Variants in TRIM38 observed in about 807,000 individuals in gnomAD.
TRIM38 encodes the protein tripartite motif containing 38.
A neutral mutation model predicts 35.8 loss-of-function variants in TRIM38; 35 were observed. The observed-to-expected ratio is 0.98, with a 90% CI of 0.75 to 1.30. The LOEUF is 1.30. TRIM38 is among the 50% of genes most tolerant of loss of function. The pLI, the probability that TRIM38 is intolerant of heterozygous loss-of-function variation, is 0.00. For missense variants in TRIM38, 545 were observed against 556.9 expected (o/e 0.98, Z 0.21); for synonymous variants, 198 against 204.7 (o/e 0.97, Z 0.28).
chr6:25,990,246 G>C lies in TRIM38; in HGVS notation c.*6559G>C, dbSNP rs7766267. 0.09 allele frequency: 13,676 copies of C among 152,164 alleles called. 785 individuals carry two copies. Among genetic ancestry groups the C allele is most frequent in the Non-Finnish European group, 0.13 (8,754 of 68,008 alleles). The allele number at this position is 152,164 out of a possible 1,614,324, so 9.4% of individuals were successfully genotyped here. A position where few individuals can be genotyped will look rare whatever the true frequency, so the allele number is the denominator to read the frequency against. On this transcript the variant is annotated 3_prime_UTR_variant, in exon 8 of 8. Coordinates refer to ENST00000357085, the MANE Select transcript of TRIM38 (RefSeq NM_006355.5). The stretch of plus-strand genomic sequence containing the variant: ...TTTTATCTTTATTGTTCTGGTTATA[G>C]GACTAGCTTTGCATCTCTACTCAAT...
intron 7 of TRIM38, among the ~76,000 whole-genome samples, chr6:25,982,960 G>A (rs191248268): frequency 8.5e-5 from 13 of 152,264 alleles, no homozygotes; most frequent in African/African-American, 2.4e-4. Context: ...GTGGTGGTGC[G>A]CACCTGTAGT....
At chr6:25,969,863 T>C (rs115002271) in intron 4 of TRIM38, among the ~76,000 whole-genome samples, 1,812 of 152,264 alleles carry the variant, frequency 0.012, 29 homozygotes, top group African/African-American at 0.031. Flanking sequence ...TCACTCCAGA[T>C]TGAAATTCAT....
chr6:25,970,053 G>T (rs1360978597), intron 4 of TRIM38, among the ~76,000 whole-genome samples: 1 of 152,084 alleles, frequency 6.6e-6, no homozygotes, highest in Non-Finnish European at 1.5e-5. Flanking sequence ...GAGTAGCTGG[G>T]ATTACAGGCA....
At chr6:25,979,142 A>G (rs1760479427) in intron 7 of TRIM38, among the ~76,000 whole-genome samples, 1 of 151,952 alleles carries the variant, frequency 6.6e-6, no homozygotes, top group South Asian at 2.1e-4. Flanking sequence ...AACATATATA[A>G]TACATACACA....
chr6:25,964,705 C>T lies in TRIM38; in HGVS notation c.-189+1423C>T, dbSNP rs111361231. ...CAAAATACTCATTATACCAGGGAGTCATATATTGGGGTGAAGCTCCCCATA... is the reference window on the plus strand; with the variant it reads ...CAAAATACTCATTATACCAGGGAGTTATATATTGGGGTGAAGCTCCCCATA... On this transcript the variant is annotated intron_variant, in intron 2 of 7. Coordinates refer to ENST00000357085, the MANE Select transcript of TRIM38 (RefSeq NM_006355.5). 3.3e-5 allele frequency among the ~76,000 whole-genome samples: 5 copies of T among 152,194 alleles called. 1 individual carries two copies. Among genetic ancestry groups the T allele is most frequent in the African/African-American group, 1.2e-4 (5 of 41,514 alleles).
At chr6:25,973,729 A>G (rs1760308804) in intron 7 of TRIM38, 1 of 985,346 alleles carries the variant, frequency 1.0e-6, no homozygotes, top group African/African-American at 1.7e-5. Context: ...GAGCAATGCA[A>G]GAAAAGTAGG....
At chr6:25,976,068 G>A (rs1760383077) in intron 7 of TRIM38, among the ~76,000 whole-genome samples, 1 of 152,154 alleles carries the variant, frequency 6.6e-6, no homozygotes, top group Non-Finnish European at 1.5e-5. Context: ...GATTAGAAAA[G>A]CTTTACTTTT....
intron 7 of TRIM38, chr6:25,973,879 G>C (rs753288167): frequency 1.7e-5 from 17 of 985,038 alleles, no homozygotes; most frequent in Non-Finnish European, 2.0e-5. Flanking sequence ...TTTTAAATCA[G>C]TGCTGACTAT....
chr6:25,969,522 C>T (rs560234014), intron 4 of TRIM38, 102 bp downstream of exon 4: 1 of 959,014 alleles, frequency 1.0e-6, no homozygotes, highest in African/African-American at 1.7e-5. Flanking sequence ...TCTCACTAAA[C>T]CAGATTGAAA....
In TRIM38 at chr6:25,972,201, T is replaced by C. The variant is rs899984371; in HGVS notation, c.738+102T>C. ...AAGATAAAGTAATGTTTCTTTTAGA[T>C]GTACATCAGTGCCATCAGGCTGGCC... is the stretch of plus-strand genomic sequence containing the variant. On this transcript the variant is annotated intron_variant, in intron 5 of 7. Coordinates refer to ENST00000357085, the MANE Select transcript of TRIM38 (RefSeq NM_006355.5). 6 of 1,023,674 alleles carry C rather than the reference T, an allele frequency of 5.9e-6. No individual in the cohort carries two copies. The African/African-American group carries it at 9.7e-5, about 16-fold the overall frequency. The allele number at this position is 1,023,674 out of a possible 1,614,324, so 63.4% of individuals were successfully genotyped here.
In TRIM38 at chr6:25,983,755, C is replaced by T. The variant is rs542926281; in HGVS notation, c.*68C>T. 12 of 1,415,494 alleles carry T rather than the reference C, an allele frequency of 8.5e-6. No individual in the cohort carries two copies. The highest frequency in any genetic ancestry group is 2.9e-5 in the African/African-American group (2 of 69,690). 87.7% of individuals were successfully genotyped at this position (1,415,494 alleles called of 1,614,324 possible). A position where few individuals can be genotyped will look rare whatever the true frequency, so the allele number is the denominator to read the frequency against. ...ATAATATAAATCCCATAAGGGCAGA[C>T]GTTTGGTCTGTTTTCTTCGCTGTCA... On this transcript the variant is annotated 3_prime_UTR_variant, in exon 8 of 8. Coordinates refer to ENST00000357085, the MANE Select transcript of TRIM38 (RefSeq NM_006355.5).
chr6:25,973,844 T>C lies in TRIM38; in HGVS notation c.874+559T>C, dbSNP rs888212517. The stretch of plus-strand genomic sequence containing the variant: ...CAGATTCCAAAATGTTAGAACCATT[T>C]ACTGAGTTTCCTGCTCCCTTGATTT... On this transcript the variant is annotated intron_variant, in intron 7 of 7. Transcript: ENST00000357085. 4.1e-6 allele frequency: 4 copies of C among 985,326 alleles called. No individual in the cohort carries two copies. The East Asian group carries it at 3.4e-4, about 84-fold the overall frequency. 61.0% of individuals were successfully genotyped at this position (985,326 alleles called of 1,614,324 possible). A position where few individuals can be genotyped will look rare whatever the true frequency, so the allele number is the denominator to read the frequency against.
At chr6:25,972,348 A>G (rs1395246573) in intron 5 of TRIM38, among the ~76,000 whole-genome samples, 1 of 152,220 alleles carries the variant, frequency 6.6e-6, no homozygotes, top group East Asian at 1.9e-4. Context: ...GCCCATGTGC[A>G]GAGAACCCTG....
chr6:25,980,744 C>T (rs542166365), intron 7 of TRIM38, among the ~76,000 whole-genome samples: 2 of 152,198 alleles, frequency 1.3e-5, no homozygotes, highest in East Asian at 3.9e-4. Context: ...TAATAATGCT[C>T]TGACTTAATA....
At position 25,966,404 on chromosome 6, in the gene TRIM38, C is replaced by A; in HGVS notation, c.-119C>A. 1.9e-6 allele frequency: 2 copies of A among 1,048,376 alleles called. No individual in the cohort carries two copies. The highest frequency in any genetic ancestry group is 2.7e-6 in the Non-Finnish European group (2 of 750,194). 64.9% of individuals were successfully genotyped at this position (1,048,376 alleles called of 1,614,324 possible). A position where few individuals can be genotyped will look rare whatever the true frequency, so the allele number is the denominator to read the frequency against. On this transcript the variant is annotated 5_prime_UTR_variant, in exon 3 of 8. Transcript: ENST00000357085. ...GAAAACCTTCAAGACCTATGGAAGT[C>A]AGTTGCAGCCAGCTCATCACATAGA...
chr6:25,966,819 G>A lies in TRIM38; in HGVS notation c.297G>A (p.Gln99=). Residue 99 remains glutamine (Q), a synonymous_variant, in exon 3 of 8, where the codon CAG becomes CAA. Coordinates refer to ENST00000357085, the MANE Select transcript of TRIM38 (RefSeq NM_006355.5). Reference sequence around the variant, plus strand: ...TGTCATGTGAGGAACACGGAGAGCAGTTCCACCTGTTCTGCGAAGACGAGG... The same window carrying A: ...TGTCATGTGAGGAACACGGAGAGCAATTCCACCTGTTCTGCGAAGACGAGG... ...QEMSCEEHGE[Q]FHLFCEDEGQ... The A allele has an allele frequency of 6.2e-7, 1 of 1,614,200 alleles. No homozygotes were observed. The highest frequency in any genetic ancestry group is 2.2e-5 in the East Asian group (1 of 44,878).
In TRIM38 at chr6:25,966,896, C is replaced by T; in HGVS notation, c.374C>T (p.Thr125Ile). The change falls in exon 3 of 8, where the codon ACC becomes ATC. Residue 125 changes from threonine to isoleucine, a missense_variant. Physicochemically the swap from Thr to Ile is moderately conservative, Grantham distance 89. Coordinates refer to ENST00000357085, the MANE Select transcript of TRIM38 (RefSeq NM_006355.5). ...CERAPQHKGH[T>I]TALVEDVCQG... The stretch of plus-strand genomic sequence containing the variant: ...CGGGCACCACAGCACAAAGGGCACA[C>T]CACAGCTCTTGTTGAAGACGTATGC... 1 of 1,612,332 alleles carries T rather than the reference C, an allele frequency of 6.2e-7. No homozygotes were observed. Among genetic ancestry groups the T allele is most frequent in the African/African-American group, 1.3e-5 (1 of 75,010 alleles).
chr6:25,972,135 T>A (rs778961381), intron 5 of TRIM38, 36 bp downstream of exon 5: 32 of 1,564,414 alleles, frequency 2.0e-5, no homozygotes, highest in Non-Finnish European at 2.7e-5. Context: ...AAAAAAGGTA[T>A]GTTATAGTGC....
At position 25,966,952 on chromosome 6, in the gene TRIM38, G is replaced by A; in HGVS notation, c.411+19G>A. The stretch of plus-strand genomic sequence containing the variant: ...CTACAAGGTGAGTGTGTGGGCCCGG[G>A]AGCTTTGGTAAGTACCAAGTCTTAT... On this transcript the variant is annotated intron_variant, in intron 3 of 7. Transcript: ENST00000357085. The A allele has an allele frequency of 6.3e-7, 1 of 1,581,430 alleles. No homozygotes were observed. The highest frequency in any genetic ancestry group is 1.2e-5 in the South Asian group (1 of 86,928).
Sources: gnomAD v4.1 joint callset for allele counts (sites outside exome capture counted in the v4.1 genomes callset) on GRCh38, gnomAD v4.1.1 for gene constraint, MANE v1.5 for transcripts, NCBI Gene and HGNC (gene_info 2026-07-23, HGNC 2026-07-21) for gene names.